The following PTH2R variants were observed in gnomAD, a reference collection of about 807,000 sequenced individuals.
The protein encoded by PTH2R is PTH2 receptor.
In PTH2R, 59 loss-of-function variants were observed where a neutral mutation model predicts 60.3. The ratio of observed to expected loss-of-function variants is 0.98; its 90% confidence interval spans 0.79 to 1.22. PTH2R has a LOEUF of 1.22. PTH2R is among the 50% of genes most tolerant of loss of function. PTH2R has a pLI of 0.00. For synonymous variants in PTH2R, 256 were observed against 243.8 expected, an observed-to-expected ratio of 1.05 and a Z score of -0.47; for missense variants, 749 against 682.6, an observed-to-expected ratio of 1.10 and a Z score of -1.08.
At chr2:208,478,318 C>T (rs924495363) in intron 9 of PTH2R, among the ~76,000 whole-genome samples, 5 of 152,058 alleles carry the variant, frequency 3.3e-5, no homozygotes, top group Admixed American at 6.6e-5. Context: ...AGTCAGAAGT[C>T]CTAAAATCAA....
At chr2:208,435,051 A>G (rs1406323520) in intron 2 of PTH2R, among the ~76,000 whole-genome samples, 1 of 152,218 alleles carries the variant, frequency 6.6e-6, no homozygotes, top group African/African-American at 2.4e-5. Flanking sequence ...CACAAAGCAA[A>G]TCAAGTATTT....
At chr2:208,425,752 C>A (rs1007549244) in intron 1 of PTH2R, among the ~76,000 whole-genome samples, 12 of 152,196 alleles carry the variant, frequency 7.9e-5, no homozygotes, top group Non-Finnish European at 1.6e-4. Context: ...TCTTCCTTGG[C>A]TAGAGAGCAG....
At chr2:208,490,529 C>A in intron 11 of PTH2R, 110 bp from the exon 12 acceptor site, 1 of 896,952 alleles carries the variant, frequency 1.1e-6, no homozygotes, top group Non-Finnish European at 1.7e-6. Context: ...ATATAATTCT[C>A]TGAAGGAATC....
intron 1 of PTH2R, among the ~76,000 whole-genome samples, chr2:208,408,748 G>GAGAGAGAGAGAGAGAGAT (rs1701477428): frequency 6.6e-6 from 1 of 151,322 alleles, no homozygotes; most frequent in African/African-American, 2.4e-5. Flanking sequence ...GAAAGAGAGA[G>GAGAGAGAGAGAGAGAGAT]AGAGAGAGAG....
At chr2:208,452,317 C>A (rs1158266334) in intron 8 of PTH2R, among the ~76,000 whole-genome samples, 2 of 152,084 alleles carry the variant, frequency 1.3e-5, no homozygotes. Context: ...ATAACTAATG[C>A]AAAGTTTGGA....
chr2:208,429,680 A>G (rs2105856456), intron 2 of PTH2R, among the ~76,000 whole-genome samples: 1 of 152,098 alleles, frequency 6.6e-6, no homozygotes, highest in South Asian at 2.1e-4. Flanking sequence ...GTACTGCTCA[A>G]TAGTGTTAAG....
chr2:208,468,640 C>T (rs1327910235), intron 9 of PTH2R, among the ~76,000 whole-genome samples: 3 of 152,192 alleles, frequency 2.0e-5, no homozygotes, highest in Admixed American at 6.5e-5. Context: ...GAATGTGCTT[C>T]CTTCTGTGCC....
At chr2:208,466,979 G>T (rs1212913564) in intron 9 of PTH2R, among the ~76,000 whole-genome samples, 1 of 151,828 alleles carries the variant, frequency 6.6e-6, no homozygotes, top group Non-Finnish European at 1.5e-5. Flanking sequence ...TGTTGTTATT[G>T]TAAATTGATT....
chr2:208,477,462 T>A (rs1302299302), intron 9 of PTH2R, among the ~76,000 whole-genome samples: 1 of 152,174 alleles, frequency 6.6e-6, no homozygotes, highest in Admixed American at 6.5e-5. Context: ...AAATCTTTAC[T>A]TTTATTTAAA....
At chr2:208,477,920 T>C (rs1703046994) in intron 9 of PTH2R, among the ~76,000 whole-genome samples, 1 of 148,088 alleles carries the variant, frequency 6.8e-6, no homozygotes, top group Non-Finnish European at 1.5e-5. Flanking sequence ...CTAGCACTAC[T>C]ACTAGTACTA....
At chr2:208,410,910 G>C (rs1052539926) in intron 1 of PTH2R, among the ~76,000 whole-genome samples, 1 of 152,134 alleles carries the variant, frequency 6.6e-6, no homozygotes, top group South Asian at 2.1e-4. Flanking sequence ...ACAAATTGTG[G>C]TGATAATAAA....
At chr2:208,455,452 A>G (rs560443880) in intron 8 of PTH2R, among the ~76,000 whole-genome samples, 15 of 152,336 alleles carry the variant, frequency 9.8e-5, no homozygotes, top group Admixed American at 9.2e-4. Flanking sequence ...TAGTTATATC[A>G]TGTGACCACC....
At chr2:208,464,412 C>A (rs1411309690) in intron 9 of PTH2R, among the ~76,000 whole-genome samples, 3 of 152,140 alleles carry the variant, frequency 2.0e-5, no homozygotes, top group Non-Finnish European at 4.4e-5. Context: ...GACGGGCGCC[C>A]GAGGTCTCTT....
chr2:208,402,892 A>G (rs1425812531), upstream of PTH2R, among the ~76,000 whole-genome samples: 1 of 152,226 alleles, frequency 6.6e-6, no homozygotes, highest in Admixed American at 6.5e-5. Context: ...GCACGGTAGA[A>G]TAGTAGAAAA....
At position 208,491,664 on chromosome 2, in the gene PTH2R, C is replaced by T. The variant is rs539839384; in HGVS notation, c.1257+984C>T. On this transcript the variant is annotated intron_variant, in intron 12 of 12. Coordinates refer to ENST00000272847, the MANE Select transcript of PTH2R (RefSeq NM_005048.4). ...TCTTCCTGCAGCTGCAGGCACAGCC[C>T]CTCCTACCCCCCGCCCCCCAAGTCT... is the stretch of plus-strand genomic sequence containing the variant. 2.0e-5 allele frequency among the ~76,000 whole-genome samples: 3 copies of T among 151,888 alleles called. No individual in the cohort carries two copies. In the South Asian group the frequency reaches 6.3e-4, roughly 32 times the overall value.
At chr2:208,465,191 G>A (rs1479218875) in intron 9 of PTH2R, among the ~76,000 whole-genome samples, 1 of 151,716 alleles carries the variant, frequency 6.6e-6, no homozygotes, top group Non-Finnish European at 1.5e-5. Context: ...GTCCAGGCTG[G>A]TCTCAAACTC....
chr2:208,425,269 G>GTCT (rs1701834576), intron 1 of PTH2R, among the ~76,000 whole-genome samples: 1 of 152,054 alleles, frequency 6.6e-6, no homozygotes, highest in South Asian at 2.1e-4. Context: ...GAGATATTGA[G>GTCT]GTAGGAGGTG....
At chr2:208,442,711 G>A (rs1702211215) in intron 5 of PTH2R, among the ~76,000 whole-genome samples, 1 of 152,154 alleles carries the variant, frequency 6.6e-6, no homozygotes, top group African/African-American at 2.4e-5. Flanking sequence ...TATATTTGTT[G>A]CAAAGTAAGA....
intron 8 of PTH2R, among the ~76,000 whole-genome samples, chr2:208,453,253 G>A (rs1251825786): frequency 6.6e-6 from 1 of 152,106 alleles, no homozygotes. Context: ...TCATGCCTGT[G>A]TATTTGTATT....
Sources: gnomAD v4.1 joint callset for allele counts (sites outside exome capture counted in the v4.1 genomes callset) on GRCh38, gnomAD v4.1.1 for gene constraint, MANE v1.5 for transcripts, NCBI Gene and HGNC (gene_info 2026-07-23, HGNC 2026-07-21) for gene names.